RBFOX1: variants seen among roughly 807,000 people sequenced by gnomAD.
RBFOX1 encodes the protein RNA binding protein fox-1 homolog 1.
In RBFOX1, 8 loss-of-function variants were observed where a neutral mutation model predicts 57.7. That is an observed-to-expected ratio of 0.14 (90% confidence interval 0.08 to 0.25). The LOEUF (loss-of-function observed/expected upper bound fraction) is 0.25. RBFOX1 is among the 10% of genes least tolerant of loss of function. RBFOX1 has a pLI of 1.00. For synonymous variants in RBFOX1, 326 were observed against 222.4 expected (o/e 1.47, Z -4.15); for missense variants, 611 against 548.5 (o/e 1.11, Z -1.14).
chr16:7,003,241 A>C (rs1226374544), intron 3 of RBFOX1, among the ~76,000 whole-genome samples: 1 of 152,068 alleles, frequency 6.6e-6, no homozygotes, highest in Non-Finnish European at 1.5e-5. Flanking sequence ...TGGGTGGATC[A>C]CAAGGTCAGC....
chr16:6,036,223 T>C (rs1020311109), intron 1 of RBFOX1, among the ~76,000 whole-genome samples: 5 of 152,112 alleles, frequency 3.3e-5, no homozygotes, highest in African/African-American at 1.2e-4. Context: ...GCACAGGGCA[T>C]GTGAGGGAGC....
intron 1 of RBFOX1, among the ~76,000 whole-genome samples, chr16:6,074,337 A>C (rs536313207): frequency 6.6e-6 from 1 of 152,298 alleles, no homozygotes; most frequent in Admixed American, 6.5e-5. Flanking sequence ...TGTGACTAGT[A>C]ATTCCAGCAC....
intron 2 of RBFOX1, among the ~76,000 whole-genome samples, chr16:6,528,787 C>A (rs1322347940): frequency 6.6e-6 from 1 of 152,146 alleles, no homozygotes; most frequent in Non-Finnish European, 1.5e-5. Context: ...CACCTTGCTT[C>A]AACCCACTAG....
At chr16:6,971,206 A>G (rs1214247397) in intron 3 of RBFOX1, among the ~76,000 whole-genome samples, 1 of 152,198 alleles carries the variant, frequency 6.6e-6, no homozygotes, top group Non-Finnish European at 1.5e-5. Flanking sequence ...ATTTTAAAAT[A>G]TAGAAAGAGG....
At chr16:6,018,948 T>G, upstream of RBFOX1, 1 of 339,860 alleles carries the variant, frequency 2.9e-6, no homozygotes, top group Non-Finnish European at 4.1e-6. Context: ...CCCGCTGGAA[T>G]CCAGGGCTGC....
chr16:7,516,735 A>G (rs1275053209), intron 4 of RBFOX1, among the ~76,000 whole-genome samples: 1 of 152,214 alleles, frequency 6.6e-6, no homozygotes, highest in African/African-American at 2.4e-5. Context: ...GTTTAAACTT[A>G]TCCTAAGCTT....
At chr16:5,573,509 G>A (rs144711308) in intron 2 of RBFOX1, among the ~76,000 whole-genome samples, 16 of 152,302 alleles carry the variant, frequency 1.1e-4, no homozygotes, top group African/African-American at 3.8e-4. Flanking sequence ...GGTGACTTGG[G>A]TACTGACAAC....
At chr16:6,985,091 C>T (rs777821155) in intron 3 of RBFOX1, among the ~76,000 whole-genome samples, 2 of 151,854 alleles carry the variant, frequency 1.3e-5, no homozygotes, top group African/African-American at 4.8e-5. Context: ...CTGGAATTTC[C>T]TCTCCCCTCT....
At chr16:6,374,710 A>G (rs1044038079) in intron 2 of RBFOX1, among the ~76,000 whole-genome samples, 1 of 152,238 alleles carries the variant, frequency 6.6e-6, no homozygotes, top group Non-Finnish European at 1.5e-5. Context: ...ATAAGAACGA[A>G]GAGACTGTTA....
At chr16:6,022,966 C>T (rs955326514) in intron 1 of RBFOX1, among the ~76,000 whole-genome samples, 1 of 152,070 alleles carries the variant, frequency 6.6e-6, no homozygotes, top group African/African-American at 2.4e-5. Context: ...GAGTTATTTA[C>T]CTTTACTGCA....
intron 4 of RBFOX1, among the ~76,000 whole-genome samples, chr16:7,257,145 A>G (rs1436337301): frequency 6.6e-6 from 1 of 152,146 alleles, no homozygotes; most frequent in Non-Finnish European, 1.5e-5. Flanking sequence ...GCCTTCGGAA[A>G]ACCCTTTCCG....
intron 4 of RBFOX1, among the ~76,000 whole-genome samples, chr16:5,875,892 G>T (rs1264871885): frequency 2.0e-5 from 3 of 150,524 alleles, no homozygotes; most frequent in Admixed American, 1.3e-4. Flanking sequence ...CTCCCAGGCT[G>T]GAGTGCAGTG....
chr16:5,889,651 C>T (rs1004986555), intron 4 of RBFOX1, among the ~76,000 whole-genome samples: 5 of 152,234 alleles, frequency 3.3e-5, no homozygotes, highest in Admixed American at 6.5e-5. Flanking sequence ...CACATGTCCT[C>T]GTGCACTGAG....
chr16:6,006,252 C>A (rs1477665909), intron 4 of RBFOX1, among the ~76,000 whole-genome samples: 1 of 152,084 alleles, frequency 6.6e-6, no homozygotes, highest in Non-Finnish European at 1.5e-5. Flanking sequence ...ACTCTGGTTC[C>A]ACAGATGTGG....
intron 1 of RBFOX1, among the ~76,000 whole-genome samples, chr16:5,307,639 CAT>C (rs1014127926): frequency 5.9e-5 from 9 of 152,336 alleles, no homozygotes; most frequent in African/African-American, 1.2e-4. Context: ...CACATACACA[CAT>C]GTCTGAGGGT....
intron 1 of RBFOX1, among the ~76,000 whole-genome samples, chr16:5,278,322 T>C (rs2063190640): frequency 6.6e-6 from 1 of 152,208 alleles, no homozygotes; most frequent in African/African-American, 2.4e-5. Context: ...TGTCTATTTT[T>C]TGATAGTTTC....
At chr16:5,583,817 A>G (rs537010350) in intron 2 of RBFOX1, among the ~76,000 whole-genome samples, 1 of 152,228 alleles carries the variant, frequency 6.6e-6, no homozygotes, top group Admixed American at 6.5e-5. Flanking sequence ...GCTCAAGGTT[A>G]TAAGTCTGCT....
At chr16:6,176,376 C>T (rs1211475622) in intron 1 of RBFOX1, among the ~76,000 whole-genome samples, 4 of 134,762 alleles carry the variant, frequency 3.0e-5, no homozygotes, top group Non-Finnish European at 4.6e-5. Flanking sequence ...CCAGGCTGGT[C>T]TCAAACTCCT....
At chr16:7,320,554 T>C (rs1815840019) in intron 4 of RBFOX1, among the ~76,000 whole-genome samples, 1 of 152,276 alleles carries the variant, frequency 6.6e-6, no homozygotes, top group East Asian at 1.9e-4. Context: ...CAACCACTTT[T>C]GTACTAGTCC....
Sources: gnomAD v4.1 joint callset for allele counts (sites outside exome capture counted in the v4.1 genomes callset) on GRCh38, gnomAD v4.1.1 for gene constraint, MANE v1.5 for transcripts, NCBI Gene and HGNC (gene_info 2026-07-23, HGNC 2026-07-21) for gene names.